Variants in SEMA3E observed in about 807,000 individuals in gnomAD.
SEMA3E encodes the protein semaphorin-3E.
SEMA3E carries 49 observed loss-of-function variants against 93.6 expected under a neutral mutation model. The ratio of observed to expected loss-of-function variants is 0.52; its 90% CI spans 0.42 to 0.66. SEMA3E has a LOEUF of 0.66. Ranked by LOEUF, SEMA3E falls within the 30% of genes least tolerant of loss-of-function variation. SEMA3E has a pLI of 0.00. For synonymous variants in SEMA3E, 363 were observed against 330.7 expected (o/e 1.10, Z -1.06); for missense variants, 906 against 964.8 (o/e 0.94, Z 0.81).
intron 1 of SEMA3E, among the ~76,000 whole-genome samples, chr7:83,525,404 T>G (rs1270097031): frequency 6.6e-6 from 1 of 152,114 alleles, no homozygotes; most frequent in African/African-American, 2.4e-5. Context: ...AAAATACATT[T>G]ATTTAATTAC....
chr7:83,466,344 T>A, intron 4 of SEMA3E, 138 bp downstream of exon 4: 1 of 1,029,314 alleles, frequency 9.7e-7, no homozygotes, highest in Non-Finnish European at 1.4e-6. Flanking sequence ...GAAAGATAAT[T>A]TCTCTGTCTC....
intron 1 of SEMA3E, among the ~76,000 whole-genome samples, chr7:83,639,818 C>A (rs970250574): frequency 1.8e-4 from 27 of 151,796 alleles, no homozygotes; most frequent in Admixed American, 1.6e-3. Flanking sequence ...TATACCCTTT[C>A]CACTACAGCA....
intron 1 of SEMA3E, among the ~76,000 whole-genome samples, chr7:83,562,783 A>G (rs1373922401): frequency 6.6e-6 from 1 of 152,114 alleles, no homozygotes. Context: ...AGCGCGAAGA[A>G]GAATCATATC....
chr7:83,405,358 A>G (rs1788306739), intron 9 of SEMA3E, 92 bp downstream of exon 9: 2 of 902,014 alleles, frequency 2.2e-6, no homozygotes, highest in South Asian at 1.4e-5. Context: ...AACTGGGTCA[A>G]TAGTCTTTCA....
chr7:83,475,059 C>T (rs1487668595), intron 2 of SEMA3E, among the ~76,000 whole-genome samples: 1 of 151,388 alleles, frequency 6.6e-6, no homozygotes, highest in Non-Finnish European at 1.5e-5. Context: ...ATTTTCATGA[C>T]TAATTCCCTT....
chr7:83,465,724 A>G (rs1789741530), intron 4 of SEMA3E, among the ~76,000 whole-genome samples: 1 of 152,196 alleles, frequency 6.6e-6, no homozygotes, highest in African/African-American at 2.4e-5. Context: ...TAGATGAAAA[A>G]TAACAGATTC....
intron 1 of SEMA3E, among the ~76,000 whole-genome samples, chr7:83,546,420 G>T (rs551553899): frequency 6.6e-6 from 1 of 151,120 alleles, no homozygotes; most frequent in East Asian, 2.0e-4. Context: ...GGGCTAGTGG[G>T]GAGGAGGAGG....
At chr7:83,575,622 T>C in intron 1 of SEMA3E, among the ~76,000 whole-genome samples, 1 of 152,312 alleles carries the variant, frequency 6.6e-6, no homozygotes, top group South Asian at 2.1e-4. Flanking sequence ...CTCATAATTA[T>C]CTGGAACAGC....
intron 2 of SEMA3E, among the ~76,000 whole-genome samples, chr7:83,471,982 T>G (rs1789907297): frequency 6.6e-6 from 1 of 152,200 alleles, no homozygotes; most frequent in Admixed American, 6.5e-5. Context: ...TCATGTTTAT[T>G]AATTTCATTT....
chr7:83,389,646 A>G (rs1307205680), intron 14 of SEMA3E, among the ~76,000 whole-genome samples: 3 of 151,356 alleles, frequency 2.0e-5, no homozygotes, highest in African/African-American at 4.8e-5. Context: ...ATACACGTAT[A>G]TATTACATGT....
At chr7:83,560,880 G>A (rs575580636) in intron 1 of SEMA3E, among the ~76,000 whole-genome samples, 12 of 151,840 alleles carry the variant, frequency 7.9e-5, no homozygotes, top group Middle Eastern at 3.4e-3. Flanking sequence ...TATAAAGTAC[G>A]TAACAGATTT....
At chr7:83,397,883 A>G (rs2115606252) in intron 11 of SEMA3E, among the ~76,000 whole-genome samples, 1 of 152,308 alleles carries the variant, frequency 6.6e-6, no homozygotes, top group East Asian at 1.9e-4. Context: ...CACTACCCAA[A>G]GGAAACAAAA....
At chr7:83,414,909 A>G (rs1222123266) in intron 5 of SEMA3E, among the ~76,000 whole-genome samples, 1 of 152,062 alleles carries the variant, frequency 6.6e-6, no homozygotes, top group Non-Finnish European at 1.5e-5. Flanking sequence ...TAAAAATAAA[A>G]ATGGCTATAG....
chr7:83,587,271 G>A (rs1792648885), intron 1 of SEMA3E, among the ~76,000 whole-genome samples: 1 of 152,088 alleles, frequency 6.6e-6, no homozygotes, highest in Non-Finnish European at 1.5e-5. Flanking sequence ...CCTCTAGAAA[G>A]TGAAAGCAAA....
chr7:83,497,572 G>A (rs962582180), intron 1 of SEMA3E, among the ~76,000 whole-genome samples: 1 of 152,166 alleles, frequency 6.6e-6, no homozygotes, highest in African/African-American at 2.4e-5. Context: ...AAAAGGAAAA[G>A]GTTTCTCACA....
At chr7:83,394,959 C>A (rs888031063) in intron 12 of SEMA3E, among the ~76,000 whole-genome samples, 1 of 152,148 alleles carries the variant, frequency 6.6e-6, no homozygotes. Context: ...GCACAATAAA[C>A]TCAGATCAGC....
chr7:83,585,262 C>G (rs1792601034), intron 1 of SEMA3E, among the ~76,000 whole-genome samples: 1 of 152,268 alleles, frequency 6.6e-6, no homozygotes, highest in East Asian at 1.9e-4. Context: ...CCAGAGCCTC[C>G]CATTGTTTTC....
chr7:83,459,490 T>G (rs1156537858), intron 4 of SEMA3E, among the ~76,000 whole-genome samples: 1 of 152,216 alleles, frequency 6.6e-6, no homozygotes, highest in Non-Finnish European at 1.5e-5. Flanking sequence ...TATACTTTGT[T>G]GTACACATCT....
chr7:83,524,384 A>G, intron 1 of SEMA3E, among the ~76,000 whole-genome samples: 1 of 152,120 alleles, frequency 6.6e-6, no homozygotes, highest in East Asian at 1.9e-4. Flanking sequence ...GAAATCTGAG[A>G]CCTATCTTAT....
Sources: gnomAD v4.1 joint callset for allele counts (sites outside exome capture counted in the v4.1 genomes callset) on GRCh38, gnomAD v4.1.1 for gene constraint, MANE v1.5 for transcripts, NCBI Gene and HGNC (gene_info 2026-07-23, HGNC 2026-07-21) for gene names.